Variants in GALNT18 observed in about 807,000 individuals in gnomAD.
The protein encoded by GALNT18 is GalNAc-transferase 18.
GALNT18 carries 44 observed loss-of-function variants against 69.5 expected under a neutral mutation model. The ratio of observed to expected loss-of-function variants is 0.63; its 90% CI spans 0.50 to 0.81. GALNT18 has a LOEUF of 0.81. Among genes scored for constraint, GALNT18 ranks in the 40% least tolerant of loss-of-function variants. The pLI is 0.00. For synonymous variants in GALNT18, 364 were observed against 318.2 expected, an observed-to-expected ratio of 1.14 and a Z score of -1.53; for missense variants, 715 against 810.0, an observed-to-expected ratio of 0.88 and a Z score of 1.42.
chr11:11,606,958 G>A lies in GALNT18; in HGVS notation c.235+14401C>T, dbSNP rs568094785. Among the ~76,000 whole-genome samples the A allele has an allele frequency of 2.0e-5, 3 of 152,294 alleles. No homozygotes were observed. Among genetic ancestry groups the A allele is most frequent in the South Asian group, 2.1e-4 (1 of 4,816 alleles). The stretch of plus-strand genomic sequence containing the variant: ...CTAACATGGTCTGATTTTAACTAGA[G>A]AGCCTTCAGACAAGAGCCTTCACCA... On this transcript the variant is annotated intron_variant, in intron 1 of 10. Transcript: ENST00000227756. The surrounding 1 kb of genome is among the most constrained non-coding windows in gnomAD (Gnocchi z 5.4).
intron 1 of GALNT18, among the ~76,000 whole-genome samples, chr11:11,476,708 A>T (rs1411798509): frequency 6.6e-6 from 1 of 152,174 alleles, no homozygotes; most frequent in African/African-American, 2.4e-5. Flanking sequence ...GATATTTGAG[A>T]TGGCTATTTC....
chr11:11,561,175 G>C (rs1214221510), intron 1 of GALNT18, among the ~76,000 whole-genome samples: 1 of 152,092 alleles, frequency 6.6e-6, no homozygotes, highest in Non-Finnish European at 1.5e-5. Context: ...GAAACTGCGA[G>C]GCGCCTTTTT....
chr11:11,589,058 T>C (rs1859290298), intron 1 of GALNT18, among the ~76,000 whole-genome samples: 1 of 152,162 alleles, frequency 6.6e-6, no homozygotes, highest in African/African-American at 2.4e-5. Flanking sequence ...CCTTCCCAAC[T>C]GATGGAAGAA....
intron 2 of GALNT18, among the ~76,000 whole-genome samples, chr11:11,433,246 C>G (rs936515533): frequency 1.3e-5 from 2 of 152,228 alleles, no homozygotes; most frequent in Non-Finnish European, 2.9e-5. Flanking sequence ...AGACTTCTGC[C>G]AAAATCTACT....
intron 6 of GALNT18, among the ~76,000 whole-genome samples, chr11:11,368,703 A>G (rs1027021787): frequency 6.6e-6 from 1 of 151,846 alleles, no homozygotes; most frequent in Non-Finnish European, 1.5e-5. Context: ...ACTATGACTG[A>G]TTATTTTTAT....
intron 1 of GALNT18, among the ~76,000 whole-genome samples, chr11:11,612,266 A>T (rs1040123660): frequency 6.6e-6 from 1 of 152,254 alleles, no homozygotes; most frequent in Admixed American, 6.5e-5. Flanking sequence ...ATTGAAATAA[A>T]TAAATAAGTA....
At chr11:11,594,922 T>G (rs1859460401) in intron 1 of GALNT18, among the ~76,000 whole-genome samples, 1 of 148,056 alleles carries the variant, frequency 6.8e-6, no homozygotes, top group Admixed American at 6.8e-5. Context: ...TATGCGTGTG[T>G]GTATATATAT....
intron 2 of GALNT18, among the ~76,000 whole-genome samples, chr11:11,445,307 AG>A (rs1426306911): frequency 6.6e-6 from 1 of 152,228 alleles, no homozygotes; most frequent in African/African-American, 2.4e-5. Context: ...GGCTAATCAT[AG>A]GACCTACCTC....
chr11:11,553,259 C>G (rs1409628665), intron 1 of GALNT18, among the ~76,000 whole-genome samples: 1 of 152,204 alleles, frequency 6.6e-6, no homozygotes, highest in Non-Finnish European at 1.5e-5. Context: ...GATTAGTTAT[C>G]TTCCCATGCC....
intron 1 of GALNT18, among the ~76,000 whole-genome samples, chr11:11,525,263 C>T (rs1857493877): frequency 6.6e-6 from 1 of 152,044 alleles, no homozygotes; most frequent in Non-Finnish European, 1.5e-5. Flanking sequence ...ACGCGAATGA[C>T]TGAAAGTTTC....
At chr11:11,528,031 G>A (rs549623993) in intron 1 of GALNT18, among the ~76,000 whole-genome samples, 20 of 152,312 alleles carry the variant, frequency 1.3e-4, no homozygotes, top group African/African-American at 4.8e-4. Context: ...CATCACATAG[G>A]TGCTGTGATT....
chr11:11,380,204 C>T (rs1853876758), intron 3 of GALNT18, among the ~76,000 whole-genome samples: 1 of 152,212 alleles, frequency 6.6e-6, no homozygotes. Flanking sequence ...CCTCCAAATG[C>T]CAGGGTCCCT....
rs948925331 is a variant in GALNT18 at position 11,341,399 on chromosome 11, C to A, written c.1093-395G>T. Among the ~76,000 whole-genome samples the A allele has an allele frequency of 1.3e-4, 20 of 152,068 alleles. No homozygotes were observed. Among genetic ancestry groups the A allele is most frequent in the Admixed American group, 1.2e-3 (18 of 15,276 alleles). The stretch of plus-strand genomic sequence containing the variant: ...AGCAGTGGTTGACATAAAGGAGAAC[C>A]AGCAAGACTCCCAGCAGAGACTTCC... On this transcript the variant is annotated intron_variant, in intron 6 of 10. Coordinates refer to ENST00000227756, the MANE Select transcript of GALNT18 (RefSeq NM_198516.3). The surrounding 1 kb of genome is among the most constrained non-coding windows in gnomAD (Gnocchi z 6.3).
intron 10 of GALNT18, among the ~76,000 whole-genome samples, chr11:11,276,196 C>G (rs1018478247): frequency 2.0e-5 from 3 of 152,216 alleles, no homozygotes; most frequent in Non-Finnish European, 4.4e-5. Context: ...CTTGTGTCCT[C>G]TCTCATGTCC....
chr11:11,384,970 GA>G (rs1366638673), intron 3 of GALNT18, among the ~76,000 whole-genome samples: 2 of 152,172 alleles, frequency 1.3e-5, no homozygotes, highest in Non-Finnish European at 2.9e-5. Context: ...AATTTACAAA[GA>G]AAAGAGGTTT....
intron 1 of GALNT18, among the ~76,000 whole-genome samples, chr11:11,593,356 T>C (rs1859407618): frequency 6.6e-6 from 1 of 152,188 alleles, no homozygotes; most frequent in South Asian, 2.1e-4. Flanking sequence ...CTTGGTACTT[T>C]GTCAGCTCAT....
intron 1 of GALNT18, among the ~76,000 whole-genome samples, chr11:11,495,627 T>C (rs1856853926): frequency 6.6e-6 from 1 of 152,154 alleles, no homozygotes. Context: ...TTTAAAAACA[T>C]CAGAGAGCAA....
At chr11:11,572,661 G>A (rs1018447213) in intron 1 of GALNT18, among the ~76,000 whole-genome samples, 1 of 152,060 alleles carries the variant, frequency 6.6e-6, no homozygotes, top group East Asian at 1.9e-4. Context: ...AATGGTGCAG[G>A]AGGACCCCTG....
rs1177590317 is a variant in GALNT18 at position 11,345,414 on chromosome 11, C to T, written c.1093-4410G>A. ...CCAAGAGAGAATTTCAAAAGTCATA[C>T]CCACAGCTCATCTCAGAGGCCCTCT... On this transcript the variant is annotated intron_variant, in intron 6 of 10. Transcript: ENST00000227756. Among the ~76,000 whole-genome samples the T allele has an allele frequency of 9.2e-5, 14 of 152,078 alleles. 1 individual carries two copies. Among genetic ancestry groups the T allele is most frequent in the Admixed American group, 9.2e-4 (14 of 15,278 alleles).
Sources: allele counts gnomAD v4.1 joint callset (sites outside exome capture counted in the v4.1 genomes callset), GRCh38; gene constraint gnomAD v4.1.1; non-coding constraint Gnocchi (gnomAD v3.1); transcripts MANE v1.5; gene names NCBI Gene and HGNC (gene_info 2026-07-23, HGNC 2026-07-21).